Variants in NXPE2 observed in about 807,000 individuals in gnomAD.
NXPE2 encodes NXPE family member 2.
A neutral mutation model predicts 34.4 loss-of-function variants in NXPE2; 34 were observed. The observed-to-expected ratio is 0.99, with a 90% CI of 0.75 to 1.31. The LOEUF is 1.31. Ranked by LOEUF, NXPE2 falls within the 40% of genes most tolerant of loss-of-function variation. NXPE2 has a pLI of 0.00. For synonymous variants in NXPE2, 235 were observed against 231.3 expected, an observed-to-expected ratio of 1.02 and a Z score of -0.15; for missense variants, 649 against 672.5, an observed-to-expected ratio of 0.97 and a Z score of 0.39.
At chr11:114,684,166 G>T (rs1950999340) in intron 2 of NXPE2, among the ~76,000 whole-genome samples, 2 of 152,094 alleles carry the variant, frequency 1.3e-5, no homozygotes, top group South Asian at 4.1e-4. Context: ...GGTGGCTTAT[G>T]CCTATAATCC....
At chr11:114,705,672 A>G (rs1285441250) in intron 4 of NXPE2, 109 bp from the exon 5 acceptor site, 1 of 602,334 alleles carries the variant, frequency 1.7e-6, no homozygotes, top group Non-Finnish European at 2.8e-6. Flanking sequence ...AATAGAGCTG[A>G]AGAGAAAGGG....
At chr11:114,635,562 T>C in the NXPE2 span, among the ~76,000 whole-genome samples, 1 of 151,982 alleles carries the variant, frequency 6.6e-6, no homozygotes, top group East Asian at 1.9e-4. Context: ...AGGGAATGCT[T>C]CCAGTTTTTG....
chr11:114,703,248 A>C (rs922805333), intron 3 of NXPE2, among the ~76,000 whole-genome samples: 1 of 152,356 alleles, frequency 6.6e-6, no homozygotes, highest in South Asian at 2.1e-4. Context: ...GGTTGAGGAC[A>C]GAAAGTCATG....
chr11:114,496,813 C>T, the NXPE2 span, among the ~76,000 whole-genome samples: 1 of 152,112 alleles, frequency 6.6e-6, no homozygotes, highest in Non-Finnish European at 1.5e-5. Flanking sequence ...TGAAAAATTC[C>T]TATTGCCTAG....
At chr11:114,582,980 C>A in the NXPE2 span, 1 of 1,613,666 alleles carries the variant, frequency 6.2e-7, no homozygotes. Flanking sequence ...TGGAGTTGTT[C>A]CAGTAATGGA....
At chr11:114,571,683 C>G in the NXPE2 span, among the ~76,000 whole-genome samples, 2 of 152,190 alleles carry the variant, frequency 1.3e-5, no homozygotes, top group Admixed American at 1.3e-4. Context: ...GGATAGGAGG[C>G]AGGACTAGCT....
chr11:114,619,304 A>G, the NXPE2 span, among the ~76,000 whole-genome samples: 1 of 152,152 alleles, frequency 6.6e-6, no homozygotes, highest in Non-Finnish European at 1.5e-5. Flanking sequence ...GTGGGTAACC[A>G]CTGTTCCCCG....
the NXPE2 span, among the ~76,000 whole-genome samples, chr11:114,719,425 G>A: frequency 6.6e-6 from 1 of 152,228 alleles, no homozygotes; most frequent in African/African-American, 2.4e-5. Flanking sequence ...TAATGTGGCA[G>A]AGGACTGGGT....
the NXPE2 span, chr11:114,522,267 T>C: frequency 2.5e-6 from 4 of 1,614,046 alleles, no homozygotes; most frequent in Admixed American, 1.7e-5. Context: ...CGAATAAAAA[T>C]GTCAATGGGA....
the NXPE2 span, among the ~76,000 whole-genome samples, chr11:114,633,236 A>G: frequency 7.4e-6 from 1 of 134,298 alleles, no homozygotes; most frequent in East Asian, 2.1e-4. Flanking sequence ...AAATATATGT[A>G]ACATATAATA....
At chr11:114,806,416 G>A in the NXPE2 span, among the ~76,000 whole-genome samples, 3 of 143,302 alleles carry the variant, frequency 2.1e-5, no homozygotes, top group Non-Finnish European at 3.0e-5. Flanking sequence ...AAGGAAATTC[G>A]AACCAATGGC....
the NXPE2 span, among the ~76,000 whole-genome samples, chr11:114,474,625 A>C: frequency 1.3e-5 from 2 of 152,194 alleles, no homozygotes; most frequent in Non-Finnish European, 2.9e-5. Flanking sequence ...GCCTGATTGA[A>C]ATGATTTCAA....
chr11:114,627,967 T>G, the NXPE2 span, among the ~76,000 whole-genome samples: 27,119 of 151,652 alleles, frequency 0.18, 2,793 homozygotes, highest in Non-Finnish European at 0.22. Flanking sequence ...CAAGAAGAGC[T>G]AACTATCCTA....
chr11:114,507,975 T>A, the NXPE2 span, among the ~76,000 whole-genome samples: 1 of 152,312 alleles, frequency 6.6e-6, no homozygotes, highest in Admixed American at 6.5e-5. Flanking sequence ...GACAATATGA[T>A]GCTATATCTA....
At chr11:114,710,169 C>T (rs1157848105), downstream of NXPE2, among the ~76,000 whole-genome samples, 3 of 152,162 alleles carry the variant, frequency 2.0e-5, no homozygotes, top group Non-Finnish European at 4.4e-5. Flanking sequence ...AATCAACAGC[C>T]TAACTCTGCC....
At chr11:114,550,977 G>A in the NXPE2 span, 1 of 602,824 alleles carries the variant, frequency 1.7e-6, no homozygotes, top group Admixed American at 2.8e-5. Flanking sequence ...GGTAGAGAGA[G>A]AGAAGATAGG....
chr11:114,788,548 T>C, the NXPE2 span, among the ~76,000 whole-genome samples: 2 of 152,188 alleles, frequency 1.3e-5, no homozygotes, highest in Non-Finnish European at 2.9e-5. Flanking sequence ...TTCCTAAAGA[T>C]ATGGATGAGG....
chr11:114,644,723 A>G, the NXPE2 span, among the ~76,000 whole-genome samples: 1 of 152,082 alleles, frequency 6.6e-6, no homozygotes, highest in African/African-American at 2.4e-5. Context: ...AAATCTCTAT[A>G]AGCTGATTCT....
chr11:114,645,752 C>A, the NXPE2 span, among the ~76,000 whole-genome samples: 1 of 152,010 alleles, frequency 6.6e-6, no homozygotes, highest in African/African-American at 2.4e-5. Flanking sequence ...ATGACTAATA[C>A]GTATATGTGA....
Sources: gnomAD v4.1 joint callset for allele counts (sites outside exome capture counted in the v4.1 genomes callset) on GRCh38, gnomAD v4.1.1 for gene constraint, MANE v1.5 for transcripts, NCBI Gene and HGNC (gene_info 2026-07-23, HGNC 2026-07-21) for gene names.